The following GJA9 variants were observed in gnomAD, a reference collection of about 807,000 sequenced individuals.
The protein encoded by GJA9 is gap junction alpha-9 protein.
GJA9 carries 1 observed loss-of-function variant against 0.4 expected under a neutral mutation model. The observed-to-expected ratio is 2.50, with a 90% CI of 0.89 to 11.88. The LOEUF (loss-of-function observed/expected upper bound fraction) is 11.88, where lower values mean the gene tolerates loss of function less well. GJA9 is among the 30% of genes most tolerant of loss of function. The pLI is 0.12. For missense variants in GJA9, 550 were observed against 602.8 expected, an observed-to-expected ratio of 0.91 and a Z score of 0.92; for synonymous variants, 190 against 219.1, an observed-to-expected ratio of 0.87 and a Z score of 1.17.
At position 38,876,173 on chromosome 1, in the gene GJA9, G is replaced by T; in HGVS notation, c.-75C>A. ...GATAAATTCTTCCATTCTGAAGGGA[G>T]CACTATTTCTTAAAGCAAACCTATG... is the stretch of plus-strand genomic sequence containing the variant. On this transcript the variant is annotated 5_prime_UTR_variant, in exon 2 of 2. Coordinates refer to ENST00000357771, the MANE Select transcript of GJA9 (RefSeq NM_030772.5). 1 of 1,190,198 alleles carries T rather than the reference G, an allele frequency of 8.4e-7. No homozygotes were observed. The highest frequency in any genetic ancestry group is 1.2e-6 in the Non-Finnish European group (1 of 825,976). The allele number at this position is 1,190,198 out of a possible 1,614,324, so 73.7% of individuals were successfully genotyped here.
At chr1:38,879,721 GT>G (rs1430677090) in intron 1 of GJA9, among the ~76,000 whole-genome samples, 1 of 151,756 alleles carries the variant, frequency 6.6e-6, no homozygotes, top group Non-Finnish European at 1.5e-5. Flanking sequence ...CCTTTGTTCT[GT>G]TTTTTTTGTT....
chr1:38,878,240 G>T (rs946798966), intron 1 of GJA9, among the ~76,000 whole-genome samples: 1 of 150,756 alleles, frequency 6.6e-6, no homozygotes, highest in Non-Finnish European at 1.5e-5. Flanking sequence ...CACCACGCTT[G>T]GCTAATTTTT....
rs905078673 is a variant in GJA9, at chr1:38,874,202, T to C, written c.*349A>G. ...AATTAACCCAGTGTCCAAGGTGGAA[T>C]TGTATAGATCAAGAACCATTTCCTA... On this transcript the variant is annotated 3_prime_UTR_variant, in exon 2 of 2. Transcript: ENST00000357771. The C allele has an allele frequency of 2.9e-6, 1 of 348,362 alleles. No individual in the cohort carries two copies. Among genetic ancestry groups the C allele is most frequent in the Non-Finnish European group, 5.5e-6 (1 of 182,526 alleles). The allele number at this position is 348,362 out of a possible 1,614,324, so 21.6% of individuals were successfully genotyped here.
intron 1 of GJA9, among the ~76,000 whole-genome samples, chr1:38,876,858 T>C (rs1050717163): frequency 6.6e-6 from 1 of 151,614 alleles, no homozygotes; most frequent in African/African-American, 2.4e-5. Flanking sequence ...CCAGGCGTGG[T>C]GGCAGGCGCT....
At chr1:38,880,509 C>T (rs1415932608) in intron 1 of GJA9, among the ~76,000 whole-genome samples, 1 of 151,368 alleles carries the variant, frequency 6.6e-6, no homozygotes, top group African/African-American at 2.4e-5. Flanking sequence ...GTTGGCCAGG[C>T]GCGGTGGCTC....
Position 38,874,770 on chromosome 1 carries a change from G to T in GJA9, c.1329C>A (p.Leu443=). The change falls in exon 2 of 2, where the codon CTC becomes CTA. Residue 443 remains leucine (L), a synonymous_variant. Transcript: ENST00000357771. ...ENRGSPPKGN[L]KGQFRKGTVR... is the part of the protein sequence containing the mutation. ...CTGTGCCCTTTCTGAACTGGCCCTT[G>T]AGGTTACCTTTAGGAGGTGACCCCC... The T allele has an allele frequency of 1.2e-6, 2 of 1,614,158 alleles. No individual in the cohort carries two copies. Among genetic ancestry groups the T allele is most frequent in the Non-Finnish European group, 1.7e-6 (2 of 1,180,010 alleles).
In GJA9 at chr1:38,875,357, A is replaced by G; in HGVS notation, c.742T>C (p.Leu248=). ...IKRGLWGKYK[L]KKEHNEFHAN... ...TGGAATTCATTATGTTCCTTCTTCA[A>G]CTTGTATTTTCCCCAAAGCCCTCTT... Residue 248 remains leucine, a synonymous_variant, in exon 2 of 2, where the codon TTG becomes CTG. Transcript: ENST00000357771. 2 of 1,614,192 alleles carry G rather than the reference A, an allele frequency of 1.2e-6. No homozygotes were observed. Among genetic ancestry groups the G allele is most frequent in the Non-Finnish European group, 1.7e-6 (2 of 1,180,032 alleles).
At chr1:38,877,024 G>C (rs1642599650) in intron 1 of GJA9, among the ~76,000 whole-genome samples, 1 of 143,716 alleles carries the variant, frequency 7.0e-6, no homozygotes, top group Non-Finnish European at 1.5e-5. Flanking sequence ...CAATGCGCAT[G>C]GCCTAAAATT....
chr1:38,874,687 G>A lies in GJA9; in HGVS notation c.1412C>T (p.Ala471Val). 1 of 1,614,164 alleles carries A rather than the reference G, an allele frequency of 6.2e-7. No homozygotes were observed. The highest frequency in any genetic ancestry group is 8.5e-7 in the Non-Finnish European group (1 of 1,180,020). The stretch of plus-strand genomic sequence containing the variant: ...AAAGGACAGCCCTCCCAAAGAATCA[G>A]CAGTGTTTGGAATGTCAAGTGATTG... The part of the protein sequence containing the change: ...DSQSLDIPNT[A>V]DSLGGLSFEP... Residue 471 changes from alanine (A) to valine (V), a missense_variant, in exon 2 of 2, where the codon GCT becomes GTT. Transcript: ENST00000357771.
In GJA9 at chr1:38,875,007, A is replaced by G. The variant is rs760367277; in HGVS notation, c.1092T>C (p.Gly364=). 6.2e-7 allele frequency: 1 copy of G among 1,614,186 alleles called. No individual in the cohort carries two copies. The highest frequency in any genetic ancestry group is 2.2e-5 in the East Asian group (1 of 44,892). The part of the protein sequence containing the change: ...THKIFGKELN[G]NQLMEKRETE... The stretch of plus-strand genomic sequence containing the variant: ...TTTCTCTTTTTTCCATTAACTGGTT[A>G]CCATTAAGTTCTTTTCCAAATATTT... Residue 364 remains glycine (G), a synonymous_variant, in exon 2 of 2, where the codon GGT becomes GGC. Transcript: ENST00000357771.
intron 1 of GJA9, among the ~76,000 whole-genome samples, chr1:38,879,791 A>C (rs1642657462): frequency 6.6e-6 from 1 of 151,970 alleles, no homozygotes; most frequent in Non-Finnish European, 1.5e-5. Flanking sequence ...CAGTGGCGCG[A>C]TCTCGGCTCA....
chr1:38,874,466 C>T lies in GJA9; in HGVS notation c.*85G>A. ...CTGTCTTAACAGCTGGTCTTTAGAG[C>T]TGCCCCTATCTATTTTTTCTGTGCC... On this transcript the variant is annotated 3_prime_UTR_variant, in exon 2 of 2. Coordinates refer to ENST00000357771, the MANE Select transcript of GJA9 (RefSeq NM_030772.5). 1 of 1,006,492 alleles carries T rather than the reference C, an allele frequency of 9.9e-7. No homozygotes were observed. The highest frequency in any genetic ancestry group is 1.5e-6 in the Non-Finnish European group (1 of 668,616). 62.3% of individuals were successfully genotyped at this position (1,006,492 alleles called of 1,614,324 possible).
At position 38,881,555 on chromosome 1, in the gene GJA9, TAGTG is replaced by T; in HGVS notation, c.-223_-220del. The T allele has an allele frequency of 1.5e-6, 1 of 688,148 alleles. No homozygotes were observed. The highest frequency in any genetic ancestry group is 2.3e-4 in the Middle Eastern group (1 of 4,280). The allele number at this position is 688,148 out of a possible 1,614,324, so 42.6% of individuals were successfully genotyped here. ...AGAGCAGATTCAGTTCAGTTGAATGTAGTGAGTGAGTCATCCATCAACTAAAATC... is the reference window on the plus strand; with the variant it reads ...AGAGCAGATTCAGTTCAGTTGAATGTAGTGAGTCATCCATCAACTAAAATC... On this transcript the variant is annotated 5_prime_UTR_variant, in exon 1 of 2. The change abolishes the stop of an existing upstream ORF in the 5' untranslated region. Transcript: ENST00000357771.
At chr1:38,878,768 T>C (rs559961396) in intron 1 of GJA9, among the ~76,000 whole-genome samples, 26 of 141,254 alleles carry the variant, frequency 1.8e-4, no homozygotes, top group Middle Eastern at 3.6e-3. Flanking sequence ...AGTTTCCCTC[T>C]TGTTGCCCAG....
chr1:38,874,679 A>G lies in GJA9; in HGVS notation c.1420T>C (p.Leu474=). Residue 474 remains leucine (L), a synonymous_variant, in exon 2 of 2, where the codon TTG becomes CTG. Coordinates refer to ENST00000357771, the MANE Select transcript of GJA9 (RefSeq NM_030772.5). ...CCTGGCTCAAAGGACAGCCCTCCCA[A>G]AGAATCAGCAGTGTTTGGAATGTCA... The part of the protein sequence containing the change: ...SLDIPNTADS[L]GGLSFEPGLV... 1 of 1,614,198 alleles carries G rather than the reference A, an allele frequency of 6.2e-7. No individual in the cohort carries two copies. Among genetic ancestry groups the G allele is most frequent in the Non-Finnish European group, 8.5e-7 (1 of 1,180,046 alleles).
chr1:38,879,835 T>G (rs945983703), intron 1 of GJA9, among the ~76,000 whole-genome samples: 1 of 152,042 alleles, frequency 6.6e-6, no homozygotes, highest in African/African-American at 2.4e-5. Flanking sequence ...CACGCCATTC[T>G]CCTGCCTCAG....
rs1390381277 is a variant in GJA9 at position 38,874,716 on chromosome 1, A to ATC, written c.1381_1382dup (p.Asp461GlufsTer38). 1 of 1,614,206 alleles carries ATC rather than the reference A, an allele frequency of 6.2e-7. No homozygotes were observed. The highest frequency in any genetic ancestry group is 1.1e-5 in the South Asian group (1 of 91,084). On this transcript the variant is annotated frameshift_variant, in exon 2 of 2. Coordinates refer to ENST00000357771, the MANE Select transcript of GJA9 (RefSeq NM_030772.5). LOFTEE classifies it low-confidence loss of function (END_TRUNC). ...TGTTTGGAATGTCAAGTGATTGAGA[A>ATC]TCTCCTTGTGAAGGAGGAAGGGTTC...
At position 38,875,722 on chromosome 1, in the gene GJA9, G is replaced by A. The variant is rs752926408; in HGVS notation, c.377C>T (p.Pro126Leu). The A allele has an allele frequency of 1.2e-6, 2 of 1,614,146 alleles. No homozygotes were observed. The highest frequency in any genetic ancestry group is 1.7e-5 in the Admixed American group (1 of 60,016). Reference sequence around the variant, plus strand: ...TTGCTCCAATCTCCTCCGATCCCTAGGCATTTCAAACTCTACCTCCTCCAG... The same window carrying A: ...TTGCTCCAATCTCCTCCGATCCCTAAGCATTTCAAACTCTACCTCCTCCAG... The part of the protein sequence containing the change: ...VELEEVEFEM[P>L]RDRRRLEQEL... Residue 126 changes from proline (P) to leucine (L), a missense_variant, in exon 2 of 2, where the codon CCT (proline) becomes CTT (leucine). Transcript: ENST00000357771.
In GJA9 at chr1:38,875,798, TCA is replaced by T; in HGVS notation, c.299_300del (p.Leu100GlnfsTer4). ...CTTTGCCTCTCTTCCTCAAGAACTCTCAGTCGGTACAATGCATGGCCCATGTA... is the reference window on the plus strand; with the variant it reads ...CTTTGCCTCTCTTCCTCAAGAACTCTGTCGGTACAATGCATGGCCCATGTA... ...LVYMGHALYR[L>X]RVLEEERQRM... is the part of the protein sequence containing the mutation. On this transcript the variant is annotated frameshift_variant, in exon 2 of 2. Coordinates refer to ENST00000357771, the MANE Select transcript of GJA9 (RefSeq NM_030772.5). LOFTEE classifies it low-confidence loss of function (END_TRUNC). The T allele has an allele frequency of 6.2e-7, 1 of 1,614,222 alleles. No homozygotes were observed. The highest frequency in any genetic ancestry group is 8.5e-7 in the Non-Finnish European group (1 of 1,180,036).
Sources: gnomAD v4.1 joint callset for allele counts (sites outside exome capture counted in the v4.1 genomes callset) on GRCh38, gnomAD v4.1.1 for gene constraint, MANE v1.5 for transcripts, NCBI Gene and HGNC (gene_info 2026-07-23, HGNC 2026-07-21) for gene names.